UPRT: variants seen among roughly 807,000 people sequenced by gnomAD.
The protein encoded by UPRT is uracil phosphoribosyltransferase homolog, also known as RP11-311P8.3.
UPRT carries 5 observed loss-of-function variants against 22.6 expected under a neutral mutation model. The observed-to-expected ratio is 0.22, with a 90% CI of 0.12 to 0.47. The LOEUF (loss-of-function observed/expected upper bound fraction) is 0.47, where lower values mean the gene tolerates loss of function less well. Ranked by LOEUF, UPRT falls within the 20% of genes least tolerant of loss-of-function variation. The pLI, the probability that UPRT is intolerant of heterozygous loss-of-function variation, is 0.99. For synonymous variants in UPRT, 77 were observed against 87.7 expected (o/e 0.88, Z 0.68); for missense variants, 181 against 239.9 (o/e 0.75, Z 1.62).
intron 3 of UPRT, among the ~76,000 whole-genome samples, chrX:75,167,712 C>T (rs1215753201): frequency 9.1e-6 from 1 of 109,932 alleles, no homozygotes; most frequent in African/African-American, 3.3e-5. Context: ...CTGTCCAGGT[C>T]CTTTTCACAC....
Position 75,236,000 on chromosome X carries a change from G to C in UPRT, c.-446-55024G>C, listed in dbSNP as rs1490642757. ...GGGTATTCAATTAGGAAAAGAGGAA[G>C]TCAAATTGTCCCTGTTTGCAGAAGA... On this transcript the variant is annotated intron_variant, in intron 4 of 13. Transcript: ENST00000652605. Among the ~76,000 whole-genome samples the C allele has an allele frequency of 2.7e-5, 3 of 111,091 alleles. No individual in the cohort carries two copies. The Admixed American group carries it at 2.9e-4, about 11-fold the overall frequency.
intron 4 of UPRT, among the ~76,000 whole-genome samples, chrX:75,178,778 G>A (rs1001823522): frequency 4.5e-5 from 5 of 111,096 alleles, no homozygotes; most frequent in African/African-American, 1.6e-4. Flanking sequence ...TAAAAGCAGC[G>A]TGGACCTAAA....
chrX:75,211,100 C>T (rs2082379182), intron 4 of UPRT, among the ~76,000 whole-genome samples: 1 of 110,350 alleles, frequency 9.1e-6, no homozygotes, highest in African/African-American at 3.3e-5. Context: ...CCAGATGAGA[C>T]ACCCGAGAGT....
At chrX:75,294,964 A>G (rs181414800) in intron 2 of UPRT, among the ~76,000 whole-genome samples, 5 of 111,362 alleles carry the variant, frequency 4.5e-5, no homozygotes, top group Admixed American at 3.8e-4. Flanking sequence ...GTAAGGACCT[A>G]TGGCATAATT....
At chrX:75,292,330 G>T (rs1047476582) in intron 1 of UPRT, among the ~76,000 whole-genome samples, 48 of 111,798 alleles carry the variant, frequency 4.3e-4, no homozygotes, top group African/African-American at 1.6e-3. Context: ...GTGTGTGTAG[G>T]TATGTGTGGA....
chrX:75,156,815 G>GT, intron 1 of UPRT: 1 of 310,913 alleles, frequency 3.2e-6, no homozygotes, highest in East Asian at 9.9e-5. Flanking sequence ...TTTCTGTCCT[G>GT]TAAGGACTTT....
At chrX:75,209,981 C>T (rs187242147) in intron 4 of UPRT, among the ~76,000 whole-genome samples, 1 of 112,018 alleles carries the variant, frequency 8.9e-6, no homozygotes, top group Non-Finnish European at 1.9e-5. Context: ...TTAAAAATTT[C>T]TTTCGGATGT....
chrX:75,297,353 A>G (rs917822620), intron 3 of UPRT, 138 bp from the exon 4 acceptor site: 10 of 503,628 alleles, frequency 2.0e-5, no homozygotes, highest in Admixed American at 3.7e-5. Context: ...TTATTTCCAC[A>G]GGGAATCTCA....
chrX:75,190,535 A>G (rs1328123773), intron 4 of UPRT, among the ~76,000 whole-genome samples: 2 of 111,299 alleles, frequency 1.8e-5, no homozygotes, highest in Non-Finnish European at 3.8e-5. Context: ...GTCTTGCTAG[A>G]TTGGGGAAGT....
At chrX:75,241,420 A>G (rs915323819) in intron 4 of UPRT, among the ~76,000 whole-genome samples, 3 of 111,817 alleles carry the variant, frequency 2.7e-5, no homozygotes, top group Non-Finnish European at 5.6e-5. Flanking sequence ...AAATAAATAA[A>G]TAATACATGT....
chrX:75,228,226 G>C (rs2082428739), intron 4 of UPRT, among the ~76,000 whole-genome samples: 1 of 111,980 alleles, frequency 8.9e-6, no homozygotes, highest in Non-Finnish European at 1.9e-5. Context: ...ATTGAGGCAA[G>C]GGCTCTAGGT....
intron 4 of UPRT, among the ~76,000 whole-genome samples, chrX:75,174,655 T>A (rs1199587599): frequency 8.9e-6 from 1 of 112,143 alleles, no homozygotes; most frequent in Non-Finnish European, 1.9e-5. Flanking sequence ...AGCGTCCTCC[T>A]TTTTCAGCAG....
At chrX:75,232,496 C>T (rs1440544903) in intron 4 of UPRT, among the ~76,000 whole-genome samples, 3 of 112,753 alleles carry the variant, frequency 2.7e-5, no homozygotes, top group Non-Finnish European at 5.6e-5. Context: ...AGGGCACAAA[C>T]AAAAAGACAG....
intron 4 of UPRT, among the ~76,000 whole-genome samples, chrX:75,266,760 A>T (rs895032784): frequency 1.8e-5 from 2 of 111,452 alleles, no homozygotes; most frequent in Non-Finnish European, 3.8e-5. Context: ...AAACAACCCC[A>T]TCAAAAAGTG....
chrX:75,293,462 C>G lies in UPRT; in HGVS notation c.387-10C>G, dbSNP rs1555978111. ...TAATTTAGACTAAAACTTGTATTATCTTTTTTTAGGACAGCCAGTAGAGGT... is the reference window on the plus strand; with the variant it reads ...TAATTTAGACTAAAACTTGTATTATGTTTTTTTAGGACAGCCAGTAGAGGT... On this transcript the variant is annotated splice_polypyrimidine_tract_variant and intron_variant, in intron 1 of 6. Coordinates refer to ENST00000373383, the MANE Select transcript of UPRT (RefSeq NM_145052.4). 5.2e-5 allele frequency: 62 copies of G among 1,198,083 alleles called. No individual in the cohort carries two copies. The highest frequency in any genetic ancestry group is 6.8e-5 in the Non-Finnish European group (61 of 890,663).
intron 4 of UPRT, among the ~76,000 whole-genome samples, chrX:75,233,333 G>A (rs1402973951): frequency 9.0e-6 from 1 of 111,450 alleles, no homozygotes; most frequent in African/African-American, 3.3e-5. Flanking sequence ...AAGTGACGGG[G>A]AGAATGGAAC....
At chrX:75,176,737 T>C (rs1417188184) in intron 4 of UPRT, among the ~76,000 whole-genome samples, 1 of 111,310 alleles carries the variant, frequency 9.0e-6, no homozygotes, top group Non-Finnish European at 1.9e-5. Flanking sequence ...GGGGTCCTCC[T>C]GTGGGATGTA....
intron 4 of UPRT, among the ~76,000 whole-genome samples, chrX:75,242,647 T>C (rs1374068241): frequency 9.0e-6 from 1 of 110,800 alleles, no homozygotes; most frequent in Non-Finnish European, 1.9e-5. Flanking sequence ...TTTTCTTATC[T>C]GTAAAATCGA....
At chrX:75,183,080 T>C (rs1475049464) in intron 4 of UPRT, among the ~76,000 whole-genome samples, 1 of 110,857 alleles carries the variant, frequency 9.0e-6, no homozygotes, top group Non-Finnish European at 1.9e-5. Context: ...CATGCACGTT[T>C]GTTACATATG....
Sources: gnomAD v4.1 joint callset for allele counts (sites outside exome capture counted in the v4.1 genomes callset) on GRCh38, gnomAD v4.1.1 for gene constraint, MANE v1.5 for transcripts, NCBI Gene and HGNC (gene_info 2026-07-23, HGNC 2026-07-21) for gene names.